KCNQ5: variants seen among roughly 807,000 people sequenced by gnomAD.
KCNQ5 encodes potassium voltage-gated channel subfamily Q member 5.
KCNQ5 carries 30 observed loss-of-function variants against 98.2 expected under a neutral mutation model. The ratio of observed to expected loss-of-function variants is 0.31; its 90% CI spans 0.23 to 0.41. KCNQ5 has a LOEUF of 0.41. Among genes scored for constraint, KCNQ5 ranks in the 10% least tolerant of loss-of-function variants. KCNQ5 has a pLI of 1.00. For synonymous variants in KCNQ5, 458 were observed against 449.4 expected (o/e 1.02, Z -0.24); for missense variants, 835 against 1,182.5 (o/e 0.71, Z 4.31).
intron 1 of KCNQ5, among the ~76,000 whole-genome samples, chr6:72,792,490 A>C (rs1774103994): frequency 6.6e-6 from 1 of 152,230 alleles, no homozygotes; most frequent in Non-Finnish European, 1.5e-5. Flanking sequence ...TCTGGACTTT[A>C]AAATGACTAT....
intron 1 of KCNQ5, among the ~76,000 whole-genome samples, chr6:72,999,831 G>A (rs944778528): frequency 6.6e-6 from 1 of 152,158 alleles, no homozygotes; most frequent in Admixed American, 6.5e-5. Flanking sequence ...CAATATTCAA[G>A]ATGAAACAAT....
chr6:72,681,041 A>C (rs1032463489), intron 1 of KCNQ5, among the ~76,000 whole-genome samples: 4 of 152,252 alleles, frequency 2.6e-5, no homozygotes, highest in Non-Finnish European at 5.9e-5. Flanking sequence ...TGAGTAAAAA[A>C]GTGTGGAAGG....
chr6:72,655,912 C>T (rs190377669), intron 1 of KCNQ5, among the ~76,000 whole-genome samples: 2 of 152,214 alleles, frequency 1.3e-5, no homozygotes, highest in East Asian at 1.9e-4. Context: ...AAGTCTGAAC[C>T]AGCATGGAAT....
intron 1 of KCNQ5, among the ~76,000 whole-genome samples, chr6:72,905,997 G>A (rs867152147): frequency 3.9e-5 from 6 of 152,112 alleles, no homozygotes; most frequent in Non-Finnish European, 8.8e-5. Flanking sequence ...TACCTGGGTG[G>A]GTAGGGAAAG....
intron 1 of KCNQ5, among the ~76,000 whole-genome samples, chr6:72,771,468 T>C (rs1772874957): frequency 6.6e-6 from 1 of 152,114 alleles, no homozygotes; most frequent in African/African-American, 2.4e-5. Flanking sequence ...TTCTTGTCTT[T>C]TTGATAATAG....
chr6:72,846,585 A>G (rs1056758333), intron 1 of KCNQ5, among the ~76,000 whole-genome samples: 1 of 152,014 alleles, frequency 6.6e-6, no homozygotes, highest in Non-Finnish European at 1.5e-5. Flanking sequence ...AGGCTGAGGC[A>G]GAAGGGTCAC....
chr6:72,975,776 C>T (rs1446948277), intron 1 of KCNQ5, among the ~76,000 whole-genome samples: 1 of 152,164 alleles, frequency 6.6e-6, no homozygotes. Context: ...AGTAGCAATT[C>T]CCCACTCCAC....
At chr6:72,791,072 T>C (rs1774012323) in intron 1 of KCNQ5, among the ~76,000 whole-genome samples, 1 of 152,108 alleles carries the variant, frequency 6.6e-6, no homozygotes, top group African/African-American at 2.4e-5. Flanking sequence ...AAACAGGATG[T>C]GGTCTTGGAA....
chr6:72,806,893 A>G (rs1483399425), intron 1 of KCNQ5: 2 of 424,168 alleles, frequency 4.7e-6, no homozygotes, highest in East Asian at 7.9e-5. Context: ...TAAGATCGAC[A>G]AACAGCTTTA....
intron 1 of KCNQ5, among the ~76,000 whole-genome samples, chr6:72,672,876 A>T (rs1003602290): frequency 9.9e-5 from 15 of 152,240 alleles, no homozygotes; most frequent in African/African-American, 3.4e-4. Context: ...GATAAAAAGC[A>T]CTTGTGAAAA....
chr6:72,694,862 C>T (rs537406005), intron 1 of KCNQ5, among the ~76,000 whole-genome samples: 50 of 152,270 alleles, frequency 3.3e-4, no homozygotes, highest in African/African-American at 1.0e-3. Flanking sequence ...AACCTTTCCC[C>T]GCTCTATTAG....
At chr6:73,163,603 C>T (rs1377861153) in intron 10 of KCNQ5, among the ~76,000 whole-genome samples, 1 of 152,166 alleles carries the variant, frequency 6.6e-6, no homozygotes, top group Admixed American at 6.5e-5. Flanking sequence ...AAAAAATTAG[C>T]TGGGCATGGT....
intron 1 of KCNQ5, among the ~76,000 whole-genome samples, chr6:72,785,975 G>A (rs1448016363): frequency 6.6e-6 from 1 of 151,998 alleles, no homozygotes; most frequent in Non-Finnish European, 1.5e-5. Flanking sequence ...ACATATAATA[G>A]GAGCCCCATA....
intron 1 of KCNQ5, among the ~76,000 whole-genome samples, chr6:72,846,915 T>A (rs113472417): frequency 0.016 from 2,373 of 152,300 alleles, 24 homozygotes; most frequent in Non-Finnish European, 0.025. Context: ...AGGATCCTAT[T>A]CATTTGGATA....
At chr6:73,061,794 A>AT (rs1253610504) in intron 3 of KCNQ5, among the ~76,000 whole-genome samples, 1 of 152,202 alleles carries the variant, frequency 6.6e-6, no homozygotes, top group East Asian at 1.9e-4. Context: ...GCTTAGCTTA[A>AT]TGCCTGGTGT....
intron 1 of KCNQ5, among the ~76,000 whole-genome samples, chr6:72,776,246 G>A (rs1187673310): frequency 6.6e-6 from 1 of 152,228 alleles, no homozygotes; most frequent in Non-Finnish European, 1.5e-5. Flanking sequence ...TATATAGGTA[G>A]AAAACAAGGA....
intron 1 of KCNQ5, among the ~76,000 whole-genome samples, chr6:72,980,704 C>G (rs1403242699): frequency 6.6e-6 from 1 of 152,172 alleles, no homozygotes; most frequent in East Asian, 1.9e-4. Context: ...GAACTTCCAA[C>G]ACTATGTTCA....
At chr6:73,189,832 G>A (rs560507003) in intron 11 of KCNQ5, among the ~76,000 whole-genome samples, 33 of 152,126 alleles carry the variant, frequency 2.2e-4, no homozygotes, top group African/African-American at 7.2e-4. Context: ...GTTATAAGAG[G>A]TCCCTGGTTC....
chr6:72,680,502 T>C (rs977882166), intron 1 of KCNQ5, among the ~76,000 whole-genome samples: 5 of 152,344 alleles, frequency 3.3e-5, no homozygotes, highest in African/African-American at 1.2e-4. Flanking sequence ...ATACCATCCA[T>C]GCTAGTTTCC....
Sources: allele counts gnomAD v4.1 joint callset (sites outside exome capture counted in the v4.1 genomes callset), GRCh38; gene constraint gnomAD v4.1.1; transcripts MANE v1.5; gene names NCBI Gene and HGNC (gene_info 2026-07-23, HGNC 2026-07-21).